The following RFC3 variants were observed in gnomAD, a reference collection of about 807,000 sequenced individuals.
The protein encoded by RFC3 is replication factor C subunit 3.
Under a neutral mutation model 45.1 loss-of-function variants are expected in RFC3, and 41 were observed. The observed-to-expected ratio is 0.91, with a 90% CI of 0.71 to 1.18. The LOEUF is 1.18. Among genes scored for constraint, RFC3 ranks in the 50% most tolerant of loss-of-function variants. The pLI is 0.00. For missense variants in RFC3, 423 were observed against 428.1 expected (o/e 0.99, Z 0.10); for synonymous variants, 149 against 144.0 (o/e 1.03, Z -0.25).
chr13:33,956,540 A>T lies in RFC3; in HGVS notation c.880-9547A>T, dbSNP rs1263250131. 2.0e-5 allele frequency among the ~76,000 whole-genome samples: 3 copies of T among 152,252 alleles called. No homozygotes were observed. In the East Asian group the frequency reaches 5.8e-4, roughly 29 times the overall value. Reference sequence around the variant, plus strand: ...ATGTTCTAACCTACAAATAAAATACATTATCTCATACCAAAAAGTATTTCC... The same window carrying T: ...ATGTTCTAACCTACAAATAAAATACTTTATCTCATACCAAAAAGTATTTCC... On this transcript the variant is annotated intron_variant, in intron 8 of 8. Transcript: ENST00000434425.
At chr13:33,847,986 C>T (rs571507842) in intron 8 of RFC3, 1 of 152,328 alleles carries the variant, frequency 6.6e-6, no homozygotes, top group South Asian at 2.1e-4. Flanking sequence ...TCTCGACTCT[C>T]TGCTGCTCAT....
At chr13:33,818,895 T>G (rs562441364) in intron 1 of RFC3, among the ~76,000 whole-genome samples, 4,656 of 145,248 alleles carry the variant, frequency 0.032, 164 homozygotes, top group African/African-American at 0.08. Flanking sequence ...TTTTTTTTTT[T>G]TTTTTTTTTT....
chr13:33,827,373 G>C lies in RFC3; in HGVS notation c.391+1487G>C, dbSNP rs560294585. 2.6e-5 allele frequency among the ~76,000 whole-genome samples: 4 copies of C among 152,264 alleles called. No homozygotes were observed. In the South Asian group the frequency reaches 8.3e-4, roughly 32 times the overall value. On this transcript the variant is annotated intron_variant, in intron 4 of 8. Coordinates refer to ENST00000380071, the MANE Select transcript of RFC3 (RefSeq NM_002915.4). ...GAATTTGCTGTTTTCTGCCTACCAA[G>C]TACTGCTTAGTCACTGTTTCAAACA...
intron 8 of RFC3, among the ~76,000 whole-genome samples, chr13:33,884,819 G>A (rs748473176): frequency 2.6e-5 from 4 of 152,120 alleles, no homozygotes; most frequent in Non-Finnish European, 4.4e-5. Flanking sequence ...TGACTTGCTC[G>A]TGATTTTGTT....
intron 8 of RFC3, among the ~76,000 whole-genome samples, chr13:33,940,770 G>C (rs928742131): frequency 6.6e-6 from 1 of 152,096 alleles, no homozygotes; most frequent in African/African-American, 2.4e-5. Flanking sequence ...CCTTATAATA[G>C]TTTAGAAACC....
chr13:33,936,947 A>G (rs1358974889), intron 8 of RFC3, among the ~76,000 whole-genome samples: 1 of 152,160 alleles, frequency 6.6e-6, no homozygotes, highest in Non-Finnish European at 1.5e-5. Context: ...AAAATTTCCT[A>G]AGAGATAGAT....
At chr13:33,866,113 A>T (rs1241885428) in intron 8 of RFC3, among the ~76,000 whole-genome samples, 1 of 152,210 alleles carries the variant, frequency 6.6e-6, no homozygotes, top group African/African-American at 2.4e-5. Context: ...TCTACCAGAG[A>T]CAGTAGTTCT....
At chr13:33,853,643 G>A (rs963482916) in intron 8 of RFC3, among the ~76,000 whole-genome samples, 1 of 152,182 alleles carries the variant, frequency 6.6e-6, no homozygotes, top group Admixed American at 6.5e-5. Context: ...GTACGTTGAA[G>A]ATGGAGTTAG....
At chr13:33,841,551 C>T (rs1297647150), downstream of RFC3, among the ~76,000 whole-genome samples, 1 of 152,130 alleles carries the variant, frequency 6.6e-6, no homozygotes, top group Non-Finnish European at 1.5e-5. Flanking sequence ...TATAATAATA[C>T]AGTATATAAG....
intron 8 of RFC3, among the ~76,000 whole-genome samples, chr13:33,927,926 T>C (rs1373507229): frequency 6.6e-6 from 1 of 152,110 alleles, no homozygotes; most frequent in East Asian, 1.9e-4. Flanking sequence ...AGGGACTTAA[T>C]TCAGCAGTAA....
intron 8 of RFC3, chr13:33,850,419 T>A (rs2082269049): frequency 6.6e-6 from 1 of 151,960 alleles, no homozygotes; most frequent in Admixed American, 6.6e-5. Flanking sequence ...GCTTAATATA[T>A]CATTATGAAA....
At chr13:33,907,391 C>T (rs191237536) in intron 8 of RFC3, among the ~76,000 whole-genome samples, 72 of 151,920 alleles carry the variant, frequency 4.7e-4, no homozygotes, top group African/African-American at 1.6e-3. Flanking sequence ...ATTTTATTAC[C>T]CCATTATTAC....
At chr13:33,953,324 T>A (rs1391874933) in intron 8 of RFC3, among the ~76,000 whole-genome samples, 3 of 105,518 alleles carry the variant, frequency 2.8e-5, no homozygotes, top group African/African-American at 3.6e-5. Flanking sequence ...TGTTGCTCTT[T>A]AAAAAAAAAA....
chr13:33,965,290 C>T (rs548464822), intron 8 of RFC3, among the ~76,000 whole-genome samples: 25 of 152,146 alleles, frequency 1.6e-4, no homozygotes, highest in East Asian at 1.2e-3. Context: ...ATGAGCTATT[C>T]GGTCAATGAC....
chr13:33,909,394 GA>G (rs1216760161), intron 8 of RFC3, among the ~76,000 whole-genome samples: 1 of 151,924 alleles, frequency 6.6e-6, no homozygotes, highest in Non-Finnish European at 1.5e-5. Context: ...CAAAGCCAAG[GA>G]AGGCATTACC....
chr13:33,921,228 G>A (rs970624891), intron 8 of RFC3, among the ~76,000 whole-genome samples: 1 of 152,108 alleles, frequency 6.6e-6, no homozygotes, highest in African/African-American at 2.4e-5. Flanking sequence ...TAGGCAATGA[G>A]GCTCACATCT....
chr13:33,883,517 C>CACACACACAA (rs1438971406), intron 8 of RFC3, among the ~76,000 whole-genome samples: 5 of 151,928 alleles, frequency 3.3e-5, no homozygotes, highest in African/African-American at 1.2e-4. Context: ...CACACACATA[C>CACACACACAA]ACACACACAA....
intron 8 of RFC3, among the ~76,000 whole-genome samples, chr13:33,908,666 T>C (rs1267943969): frequency 6.7e-6 from 1 of 149,474 alleles, no homozygotes; most frequent in Non-Finnish European, 1.5e-5. Context: ...ATATGAGGAA[T>C]TGTCTCAAGA....
At chr13:33,849,407 A>G (rs1171846436) in intron 8 of RFC3, 1 of 152,232 alleles carries the variant, frequency 6.6e-6, no homozygotes, top group Non-Finnish European at 1.5e-5. Flanking sequence ...CCTGATCTGT[A>G]GTGTTTGCAG....
Sources: allele counts gnomAD v4.1 joint callset (sites outside exome capture counted in the v4.1 genomes callset), GRCh38; gene constraint gnomAD v4.1.1; transcripts MANE v1.5; gene names NCBI Gene and HGNC (gene_info 2026-07-23, HGNC 2026-07-21).